The following IMMP2L variants were observed in gnomAD, a reference collection of about 807,000 sequenced individuals.
The protein encoded by IMMP2L is mitochondrial inner membrane protease subunit 2.
A neutral mutation model predicts 19.3 loss-of-function variants in IMMP2L; 18 were observed. The ratio of observed to expected loss-of-function variants is 0.93; its 90% CI spans 0.64 to 1.38. The LOEUF is 1.38. Ranked by LOEUF, IMMP2L falls within the 40% of genes most tolerant of loss-of-function variation. IMMP2L has a pLI of 0.00. For synonymous variants in IMMP2L, 76 were observed against 73.0 expected, an observed-to-expected ratio of 1.04 and a Z score of -0.21; for missense variants, 233 against 218.2, an observed-to-expected ratio of 1.07 and a Z score of -0.43.
chr7:110,838,067 T>C (rs1459729505), intron 5 of IMMP2L, among the ~76,000 whole-genome samples: 1 of 152,150 alleles, frequency 6.6e-6, no homozygotes, highest in Non-Finnish European at 1.5e-5. Context: ...GATTAAGATA[T>C]GCATTTAACA....
intron 3 of IMMP2L, among the ~76,000 whole-genome samples, chr7:111,212,808 G>A (rs1018046547): frequency 2.6e-5 from 4 of 152,218 alleles, no homozygotes; most frequent in Admixed American, 6.5e-5. Context: ...TGTTAGATTT[G>A]TGGATTCCAT....
At chr7:110,667,162 G>A (rs577940548) in intron 5 of IMMP2L, among the ~76,000 whole-genome samples, 3 of 152,238 alleles carry the variant, frequency 2.0e-5, no homozygotes, top group East Asian at 1.9e-4. Context: ...GAGCCACTGC[G>A]CCCGGCCTGG....
intron 3 of IMMP2L, among the ~76,000 whole-genome samples, chr7:111,179,576 G>GGGCCCT (rs1240152036): frequency 2.0e-5 from 3 of 152,000 alleles, no homozygotes; most frequent in Non-Finnish European, 4.4e-5. Flanking sequence ...TCATTCTTAA[G>GGGCCCT]GGCCCTAGGA....
intron 3 of IMMP2L, among the ~76,000 whole-genome samples, chr7:111,281,246 A>G (rs1358982544): frequency 7.3e-6 from 1 of 137,436 alleles, no homozygotes; most frequent in Non-Finnish European, 1.5e-5. Context: ...GAAAGAAAGA[A>G]GAGAGAGAGA....
chr7:110,976,281 T>A (rs1202078751), intron 3 of IMMP2L, among the ~76,000 whole-genome samples: 3 of 152,072 alleles, frequency 2.0e-5, no homozygotes, highest in Non-Finnish European at 2.9e-5. Context: ...TGATGATGAT[T>A]AGATCATAAT....
chr7:111,285,768 C>T (rs980082653), intron 3 of IMMP2L, among the ~76,000 whole-genome samples: 4 of 152,166 alleles, frequency 2.6e-5, no homozygotes, highest in Non-Finnish European at 5.9e-5. Flanking sequence ...CTAGAGACCA[C>T]ACTTAATTCA....
At chr7:110,856,929 A>G (rs1294414599) in intron 5 of IMMP2L, among the ~76,000 whole-genome samples, 1 of 152,036 alleles carries the variant, frequency 6.6e-6, no homozygotes, top group Non-Finnish European at 1.5e-5. Context: ...TTGATGAAAC[A>G]AAAACCACTG....
chr7:111,066,510 A>T (rs1337699837), intron 3 of IMMP2L, among the ~76,000 whole-genome samples: 1 of 152,228 alleles, frequency 6.6e-6, no homozygotes, highest in East Asian at 1.9e-4. Flanking sequence ...GATAACGTTT[A>T]AAATAGACGG....
intron 5 of IMMP2L, among the ~76,000 whole-genome samples, chr7:110,780,635 C>T (rs1187637920): frequency 6.6e-6 from 1 of 151,752 alleles, no homozygotes; most frequent in East Asian, 1.9e-4. Flanking sequence ...ATGTTCCCCT[C>T]CCATTCTGGC....
chr7:111,254,360 G>A (rs1816474757), intron 3 of IMMP2L, among the ~76,000 whole-genome samples: 1 of 151,938 alleles, frequency 6.6e-6, no homozygotes, highest in Non-Finnish European at 1.5e-5. Context: ...TCTGCAAAGG[G>A]GAAAGTTTAC....
intron 5 of IMMP2L, among the ~76,000 whole-genome samples, chr7:110,875,482 G>C (rs890156937): frequency 5.3e-5 from 8 of 152,072 alleles, no homozygotes; most frequent in Non-Finnish European, 8.8e-5. Flanking sequence ...TCCTTGACTA[G>C]AGTCTACATA....
At chr7:111,323,971 T>A (rs1183894233) in intron 3 of IMMP2L, among the ~76,000 whole-genome samples, 2 of 151,912 alleles carry the variant, frequency 1.3e-5, no homozygotes, top group Non-Finnish European at 2.9e-5. Flanking sequence ...AAGGGGAACA[T>A]CACACACCGG....
At chr7:111,210,805 AGAGT>A (rs1019191446) in intron 3 of IMMP2L, among the ~76,000 whole-genome samples, 5 of 152,154 alleles carry the variant, frequency 3.3e-5, no homozygotes, top group African/African-American at 1.2e-4. Flanking sequence ...TCTTTTTCTG[AGAGT>A]GAGAACTGGA....
chr7:111,086,608 C>T (rs951408102), intron 3 of IMMP2L, among the ~76,000 whole-genome samples: 3 of 152,208 alleles, frequency 2.0e-5, no homozygotes, highest in African/African-American at 7.2e-5. Flanking sequence ...AGTACTACTA[C>T]TCACCTTACA....
At chr7:111,461,198 A>G (rs922106712) in intron 3 of IMMP2L, among the ~76,000 whole-genome samples, 25 of 152,092 alleles carry the variant, frequency 1.6e-4, no homozygotes, top group African/African-American at 5.8e-4. Flanking sequence ...CTTTTCCTAA[A>G]ATACGTTCCT....
At chr7:111,036,761 C>G (rs1023981828) in intron 3 of IMMP2L, among the ~76,000 whole-genome samples, 1 of 151,964 alleles carries the variant, frequency 6.6e-6, no homozygotes, top group Non-Finnish European at 1.5e-5. Flanking sequence ...TTTTTACAAA[C>G]CAGATAACTT....
intron 3 of IMMP2L, among the ~76,000 whole-genome samples, chr7:111,342,764 T>C (rs893998510): frequency 2.6e-5 from 4 of 152,122 alleles, no homozygotes; most frequent in African/African-American, 9.7e-5. Flanking sequence ...TTTAAATATG[T>C]CAACTTTCAC....
At chr7:111,374,200 T>C (rs1211340417) in intron 3 of IMMP2L, among the ~76,000 whole-genome samples, 2 of 152,204 alleles carry the variant, frequency 1.3e-5, no homozygotes, top group East Asian at 3.9e-4. Context: ...TATAAATGCA[T>C]ACTGAATAAT....
At chr7:111,349,349 G>T (rs976469776) in intron 3 of IMMP2L, among the ~76,000 whole-genome samples, 6 of 152,042 alleles carry the variant, frequency 3.9e-5, no homozygotes, top group African/African-American at 1.4e-4. Flanking sequence ...ATGAAACATT[G>T]TTTCCACTCC....
Sources: allele counts gnomAD v4.1 joint callset (sites outside exome capture counted in the v4.1 genomes callset), GRCh38; gene constraint gnomAD v4.1.1; transcripts MANE v1.5; gene names NCBI Gene and HGNC (gene_info 2026-07-23, HGNC 2026-07-21).